The following CDYL2 variants were observed in gnomAD, a reference collection of about 807,000 sequenced individuals.
CDYL2 encodes chromodomain Y like 2.
Under a neutral mutation model 49.4 loss-of-function variants are expected in CDYL2, and 23 were observed. The observed-to-expected ratio is 0.47, with a 90% CI of 0.34 to 0.66. The LOEUF (loss-of-function observed/expected upper bound fraction) is 0.66, where lower values mean the gene tolerates loss of function less well. CDYL2 is among the 30% of genes least tolerant of loss of function. The pLI is 0.01. For missense variants in CDYL2, 678 were observed against 656.4 expected (o/e 1.03, Z -0.36); for synonymous variants, 360 against 268.8 (o/e 1.34, Z -3.32).
chr16:80,630,769 C>T (rs746106738), intron 3 of CDYL2, among the ~76,000 whole-genome samples: 4 of 152,172 alleles, frequency 2.6e-5, no homozygotes, highest in Admixed American at 6.5e-5. Flanking sequence ...TCCAGATGGC[C>T]GCACCCACAA....
chr16:80,732,174 G>C (rs908841930), intron 1 of CDYL2, among the ~76,000 whole-genome samples: 15 of 152,132 alleles, frequency 9.9e-5, no homozygotes, highest in African/African-American at 2.4e-5. Flanking sequence ...TGAATAATGA[G>C]AACATGAAGT....
At chr16:80,709,675 A>T (rs1229999156) in intron 1 of CDYL2, among the ~76,000 whole-genome samples, 1 of 151,938 alleles carries the variant, frequency 6.6e-6, no homozygotes, top group Non-Finnish European at 1.5e-5. Flanking sequence ...TTTCAGAAAA[A>T]CCTATTTCAC....
intron 3 of CDYL2, among the ~76,000 whole-genome samples, chr16:80,621,985 G>A (rs1907103669): frequency 6.6e-6 from 1 of 152,100 alleles, no homozygotes; most frequent in South Asian, 2.1e-4. Context: ...CCAGTGAGTG[G>A]TCACTATTCT....
At chr16:80,686,084 G>C (rs987246535) in intron 1 of CDYL2, among the ~76,000 whole-genome samples, 1 of 152,154 alleles carries the variant, frequency 6.6e-6, no homozygotes, top group African/African-American at 2.4e-5. Context: ...AAGGCAACTC[G>C]CCTACCATGC....
At chr16:80,685,261 T>C in intron 1 of CDYL2, 132 bp from the exon 2 acceptor site, 2 of 678,118 alleles carry the variant, frequency 2.9e-6, no homozygotes, top group East Asian at 5.2e-5. Context: ...CCACGAGCCA[T>C]TCAATGCCAG....
chr16:80,685,479 G>C (rs1453532749), intron 1 of CDYL2, among the ~76,000 whole-genome samples: 1 of 152,182 alleles, frequency 6.6e-6, no homozygotes, highest in Non-Finnish European at 1.5e-5. Flanking sequence ...TTGCACCAAA[G>C]TAGATGCAGG....
At chr16:80,661,620 C>G (rs1055615049) in intron 2 of CDYL2, among the ~76,000 whole-genome samples, 1 of 152,210 alleles carries the variant, frequency 6.6e-6, no homozygotes, top group African/African-American at 2.4e-5. Flanking sequence ...CATCAAGACA[C>G]TGAAACTAGC....
chr16:80,793,341 T>A (rs749435801), intron 1 of CDYL2, among the ~76,000 whole-genome samples: 11 of 152,214 alleles, frequency 7.2e-5, no homozygotes, highest in Non-Finnish European at 1.6e-4. Flanking sequence ...GGACAATGGC[T>A]TAAATGTTTC....
chr16:80,686,718 G>T (rs910530337), intron 1 of CDYL2, among the ~76,000 whole-genome samples: 3 of 152,164 alleles, frequency 2.0e-5, no homozygotes, highest in Non-Finnish European at 4.4e-5. Flanking sequence ...CACAACAGAG[G>T]TCATGCAAAA....
At chr16:80,706,651 C>G (rs896576628) in intron 1 of CDYL2, among the ~76,000 whole-genome samples, 2 of 152,162 alleles carry the variant, frequency 1.3e-5, no homozygotes, top group East Asian at 3.9e-4. Context: ...AAGTGATTAT[C>G]AAGGGTGCCA....
chr16:80,748,249 G>A (rs1301826280), intron 1 of CDYL2, among the ~76,000 whole-genome samples: 3 of 146,766 alleles, frequency 2.0e-5, no homozygotes, highest in Non-Finnish European at 4.5e-5. Context: ...TGGGTGGACC[G>A]GGCGCGCTGG....
At chr16:80,774,955 G>T (rs1252405594) in intron 1 of CDYL2, among the ~76,000 whole-genome samples, 1 of 151,338 alleles carries the variant, frequency 6.6e-6, no homozygotes, top group African/African-American at 2.4e-5. Flanking sequence ...GACACAGAAG[G>T]TTAGCATTAA....
At chr16:80,664,469 G>C (rs893371224) in intron 2 of CDYL2, among the ~76,000 whole-genome samples, 5 of 152,150 alleles carry the variant, frequency 3.3e-5, no homozygotes, top group Non-Finnish European at 7.4e-5. Context: ...CAGGTCACTG[G>C]GGACCAGCTG....
intron 1 of CDYL2, among the ~76,000 whole-genome samples, chr16:80,696,156 A>G (rs746739202): frequency 2.0e-4 from 31 of 152,256 alleles, no homozygotes; most frequent in African/African-American, 7.5e-4. Context: ...CCAATGAGTC[A>G]GTGAAGAAAT....
chr16:80,605,000 G>A (rs531197686), intron 6 of CDYL2, among the ~76,000 whole-genome samples: 3 of 152,252 alleles, frequency 2.0e-5, no homozygotes, highest in Admixed American at 6.5e-5. Context: ...GCAATGCCCC[G>A]TGTTCAGGCT....
intron 2 of CDYL2, among the ~76,000 whole-genome samples, chr16:80,661,787 CTA>C (rs1255448679): frequency 6.6e-6 from 1 of 152,186 alleles, no homozygotes; most frequent in Non-Finnish European, 1.5e-5. Context: ...GCTCATTTCA[CTA>C]TGTTATCATC....
At chr16:80,719,364 C>T (rs1360671759) in intron 1 of CDYL2, among the ~76,000 whole-genome samples, 1 of 152,134 alleles carries the variant, frequency 6.6e-6, no homozygotes, top group African/African-American at 2.4e-5. Flanking sequence ...GGACTAGGAA[C>T]ACGAATGACC....
At chr16:80,780,607 G>A (rs184424643) in intron 1 of CDYL2, among the ~76,000 whole-genome samples, 161 of 151,838 alleles carry the variant, frequency 1.1e-3, no homozygotes, top group African/African-American at 2.4e-3. Flanking sequence ...AGGTTTCACC[G>A]TGTTAGCCAG....
intron 1 of CDYL2, among the ~76,000 whole-genome samples, chr16:80,795,636 G>C (rs1240586627): frequency 6.6e-6 from 1 of 152,164 alleles, no homozygotes; most frequent in African/African-American, 2.4e-5. Context: ...CAACCTACCA[G>C]AGCCAGGGGC....
Sources: gnomAD v4.1 joint callset for allele counts (sites outside exome capture counted in the v4.1 genomes callset) on GRCh38, gnomAD v4.1.1 for gene constraint, MANE v1.5 for transcripts, NCBI Gene and HGNC (gene_info 2026-07-23, HGNC 2026-07-21) for gene names.